RAD17: variants seen among roughly 807,000 people sequenced by gnomAD.
RAD17 encodes the protein cell cycle checkpoint protein RAD17.
A neutral mutation model predicts 81.5 loss-of-function variants in RAD17; 31 were observed. The ratio of observed to expected loss-of-function variants is 0.38; its 90% confidence interval spans 0.29 to 0.51. The LOEUF is 0.51. Among genes scored for constraint, RAD17 ranks in the 20% least tolerant of loss-of-function variants. RAD17 has a pLI of 0.88. For synonymous variants in RAD17, 261 were observed against 266.2 expected (o/e 0.98, Z 0.19); for missense variants, 681 against 781.2 (o/e 0.87, Z 1.53).
Position 69,377,826 on chromosome 5 carries a change from C to T in RAD17, c.351+3115C>T, listed in dbSNP as rs184376825. ...TTTAGAGACAGGGTCTTGCTAGAGA[C>T]GGTTGCCTACACTGGATTGCAGAGG... is the stretch of plus-strand genomic sequence containing the variant. On this transcript the variant is annotated intron_variant, in intron 6 of 18. Transcript: ENST00000354868. Among the ~76,000 whole-genome samples the T allele has an allele frequency of 1.1e-4, 16 of 151,404 alleles. No homozygotes were observed. In the East Asian group the frequency reaches 3.1e-3, roughly 30 times the overall value.
In RAD17 at chr5:69,377,633, GTATA is replaced by G. The variant is rs1404735948; in HGVS notation, c.351+2923_351+2926del. ...TGTATACATATATATGCATATATAT[GTATA>G]CATATATATATGCATATATATATGT... On this transcript the variant is annotated intron_variant, in intron 6 of 18. Coordinates refer to ENST00000354868, the MANE Select transcript of RAD17 (RefSeq NM_133338.3). Among the ~76,000 whole-genome samples the G allele has an allele frequency of 4.6e-3, 209 of 45,714 alleles. 78 individuals are homozygous for G. The highest frequency in any genetic ancestry group is 0.024 in the African/African-American group (204 of 8,388). The allele number at this position is 45,714 out of a possible 152,430, so 30.0% of individuals were successfully genotyped here.
chr5:69,393,604 CTT>C, intron 15 of RAD17, 104 bp downstream of exon 15: 1 of 1,076,664 alleles, frequency 9.3e-7, no homozygotes. Context: ...TTTTATGTGA[CTT>C]TTCTTCATAA....
intron 13 of RAD17, chr5:69,392,812 C>A (rs543091784): frequency 1.9e-4 from 88 of 462,932 alleles, no homozygotes; most frequent in Non-Finnish European, 3.3e-4. Context: ...GCAACATCTT[C>A]CTACATAGTA....
intron 13 of RAD17, 72 bp downstream of exon 13, chr5:69,392,085 T>A (rs1049464428): frequency 7.7e-7 from 1 of 1,294,528 alleles, no homozygotes; most frequent in Non-Finnish European, 1.0e-6. Flanking sequence ...AATGTCACTT[T>A]TAAAAAAATG....
intron 17 of RAD17, among the ~76,000 whole-genome samples, chr5:69,405,274 C>T (rs932505117): frequency 5.3e-5 from 8 of 150,522 alleles, no homozygotes; most frequent in African/African-American, 1.5e-4. Flanking sequence ...GAGGCTGAGG[C>T]GGGCGGATCA....
rs1411632342 is a variant in RAD17 at position 69,393,347 on chromosome 5, T to C, written c.1276-7T>C. The C allele has an allele frequency of 3.8e-6, 6 of 1,587,068 alleles. No homozygotes were observed. Among genetic ancestry groups the C allele is most frequent in the South Asian group, 1.1e-5 (1 of 87,808 alleles). On this transcript the variant is annotated splice_region_variant and splice_polypyrimidine_tract_variant and intron_variant, in intron 14 of 18. Transcript: ENST00000354868. Reference sequence around the variant, plus strand: ...CCAAATTTATGTATATATGCTTCTTTTTATAGGAGGTAGTAGAAATGTCAC... The same window carrying C: ...CCAAATTTATGTATATATGCTTCTTCTTATAGGAGGTAGTAGAAATGTCAC...
chr5:69,375,607 CTT>C (rs1763284925), intron 6 of RAD17, among the ~76,000 whole-genome samples: 1 of 128,664 alleles, frequency 7.8e-6, no homozygotes, highest in Admixed American at 8.9e-5. Flanking sequence ...TTCAGTTAGA[CTT>C]TTAGATACTT....
intron 15 of RAD17, among the ~76,000 whole-genome samples, chr5:69,395,242 T>C (rs1764809279): frequency 6.6e-6 from 1 of 152,098 alleles, no homozygotes; most frequent in African/African-American, 2.4e-5. Flanking sequence ...CCAGGAGTGG[T>C]GGTTCCTGCC....
At chr5:69,411,090 G>A (rs557351084) in intron 18 of RAD17, among the ~76,000 whole-genome samples, 8 of 150,300 alleles carry the variant, frequency 5.3e-5, no homozygotes, top group South Asian at 2.1e-4. Context: ...TTGTAAGATC[G>A]AATTAAGCAC....
intron 17 of RAD17, among the ~76,000 whole-genome samples, chr5:69,401,831 CAAA>C (rs781326416): frequency 7.7e-6 from 1 of 130,360 alleles, no homozygotes; most frequent in Non-Finnish European, 1.6e-5. Context: ...ACTAAAAATA[CAAA>C]AAAAACCCAC....
chr5:69,398,673 G>A, intron 16 of RAD17, among the ~76,000 whole-genome samples: 1 of 151,706 alleles, frequency 6.6e-6, no homozygotes, highest in East Asian at 1.9e-4. Context: ...AGGTGTGGTG[G>A]TGCGCTCCTG....
At chr5:69,413,440 GA>G (rs562241164) in intron 18 of RAD17, among the ~76,000 whole-genome samples, 2 of 151,074 alleles carry the variant, frequency 1.3e-5, no homozygotes, top group African/African-American at 2.4e-5. Flanking sequence ...CAGTCTCAAT[GA>G]AAAAAAAGAA....
At chr5:69,401,619 T>C (rs904404362) in intron 17 of RAD17, among the ~76,000 whole-genome samples, 6 of 152,278 alleles carry the variant, frequency 3.9e-5, no homozygotes, top group South Asian at 2.1e-4. Context: ...GGGATAACTT[T>C]TGGGCAGTGG....
In RAD17 at chr5:69,396,479, A is replaced by G. The variant is rs189632403; in HGVS notation, c.1505A>G (p.His502Arg). 9 of 1,613,220 alleles carry G rather than the reference A, an allele frequency of 5.6e-6. No homozygotes were observed. Among genetic ancestry groups the G allele is most frequent in the South Asian group, 1.1e-5 (1 of 91,026 alleles). ...TCCAACAAAGCCCGAGGATATGCTC[A>G]TTGCCAAGGAGGAGGATCAAGTTTT... ...MHSNKARGYA[H>R]CQGGGSSFRP... is the part of the protein sequence containing the mutation. Residue 502 changes from histidine to arginine, a missense_variant, in exon 16 of 19, where the codon CAT (histidine) becomes CGT (arginine). Physicochemically the swap from His to Arg is conservative, Grantham distance 29. Coordinates refer to ENST00000354868, the MANE Select transcript of RAD17 (RefSeq NM_133338.3).
chr5:69,406,185 ACACAGTG>A (rs1765592928), intron 17 of RAD17, among the ~76,000 whole-genome samples: 1 of 152,186 alleles, frequency 6.6e-6, no homozygotes, highest in South Asian at 2.1e-4. Context: ...TGGTATATAT[ACACAGTG>A]GAATACTATT....
intron 12 of RAD17, among the ~76,000 whole-genome samples, chr5:69,391,242 A>AT (rs1764538446): frequency 1.3e-5 from 2 of 152,070 alleles, no homozygotes; most frequent in South Asian, 4.1e-4. Flanking sequence ...AAAAAAAAAA[A>AT]AAAAATTCTC....
chr5:69,412,630 G>A (rs1157093475), intron 18 of RAD17, among the ~76,000 whole-genome samples: 1 of 152,094 alleles, frequency 6.6e-6, no homozygotes, highest in Admixed American at 6.6e-5. Context: ...CAGTGTATCA[G>A]TATGTTCTTT....
In RAD17 at chr5:69,391,945, A is replaced by C. The variant is rs144862787; in HGVS notation, c.1121A>C (p.Gln374Pro). Residue 374 changes from glutamine (Q) to proline (P), a missense_variant, in exon 13 of 19, where the codon CAA (glutamine) becomes CCA (proline). Transcript: ENST00000354868. The part of the protein sequence containing the change: ...PDRVFENQEV[Q>P]AIGGKDVSLF... ...AGGGTTTTTGAAAATCAAGAGGTCC[A>C]AGCTATTGGTGGCAAAGATGTTTCT... is the stretch of plus-strand genomic sequence containing the variant. The C allele has an allele frequency of 4.2e-4, 662 of 1,592,160 alleles. 6 individuals are homozygous for C. The African/African-American group carries it at 7.9e-3, about 19-fold the overall frequency.
At chr5:69,413,440 G>GA (rs562241164) in intron 18 of RAD17, among the ~76,000 whole-genome samples, 157 of 151,190 alleles carry the variant, frequency 1.0e-3, no homozygotes, top group Non-Finnish European at 1.5e-3. Flanking sequence ...CAGTCTCAAT[G>GA]AAAAAAAAGA....
Sources: allele counts gnomAD v4.1 joint callset (sites outside exome capture counted in the v4.1 genomes callset), GRCh38; gene constraint gnomAD v4.1.1; transcripts MANE v1.5; gene names NCBI Gene and HGNC (gene_info 2026-07-23, HGNC 2026-07-21).